GNPDA2: variants seen among roughly 807,000 people sequenced by gnomAD.
The protein encoded by GNPDA2 is glucosamine-6-phosphate deaminase 2, also known as glcN6P deaminase 2.
GNPDA2 carries 24 observed loss-of-function variants against 27.0 expected under a neutral mutation model. The observed-to-expected ratio is 0.89, with a 90% CI of 0.64 to 1.25. The LOEUF (loss-of-function observed/expected upper bound fraction) is 1.25, where lower values mean the gene tolerates loss of function less well. GNPDA2 is among the 50% of genes most tolerant of loss of function. The pLI is 0.00. For synonymous variants in GNPDA2, 94 were observed against 108.4 expected (o/e 0.87, Z 0.83); for missense variants, 286 against 335.1 (o/e 0.85, Z 1.14).
rs548906296 is a variant in GNPDA2, at chr4:44,725,878, G to A, written c.-36+596C>T. On this transcript the variant is annotated intron_variant, in intron 1 of 6. Transcript: ENST00000295448. ...GAAAAAGGGCTGCTGAATATAAATC[G>A]CAAAACTTCAATGGTGGATGACAAC... 1.6e-4 allele frequency among the ~76,000 whole-genome samples: 24 copies of A among 152,212 alleles called. 1 individual carries two copies. In the East Asian group the frequency reaches 3.3e-3, roughly 21 times the overall value.
chr4:44,702,856 C>T lies in GNPDA2; in HGVS notation c.*225G>A. The T allele has an allele frequency of 1.5e-6, 2 of 1,375,590 alleles. No homozygotes were observed. The highest frequency in any genetic ancestry group is 9.3e-7 in the Non-Finnish European group (1 of 1,071,544). 85.2% of individuals were successfully genotyped at this position (1,375,590 alleles called of 1,614,324 possible). A position where few individuals can be genotyped will look rare whatever the true frequency, so the allele number is the denominator to read the frequency against. On this transcript the variant is annotated 3_prime_UTR_variant, in exon 7 of 7. Transcript: ENST00000295448. ...TATAGGTGGCTATGTGACTTCAGTACTTTATAATAAATAGCCAGTCAATCT... is the reference window on the plus strand; with the variant it reads ...TATAGGTGGCTATGTGACTTCAGTATTTTATAATAAATAGCCAGTCAATCT...
intron 4 of GNPDA2, among the ~76,000 whole-genome samples, chr4:44,713,447 T>C (rs1203576731): frequency 1.3e-5 from 2 of 152,228 alleles, no homozygotes; most frequent in Non-Finnish European, 2.9e-5. Context: ...GTTTGTGAGT[T>C]ACCCTAGAAT....
chr4:44,713,572 A>AT (rs781437020), intron 4 of GNPDA2, among the ~76,000 whole-genome samples: 4 of 152,126 alleles, frequency 2.6e-5, no homozygotes, highest in Non-Finnish European at 4.4e-5. Context: ...GTCTTCTTTT[A>AT]TTTTTACTTT....
At position 44,704,375 on chromosome 4, in the gene GNPDA2, A is replaced by G. The variant is rs183116355; in HGVS notation, c.770-1233T>C. 6.5e-5 allele frequency: 62 copies of G among 951,892 alleles called. 1 individual carries two copies. The Admixed American group carries it at 1.2e-3, about 18-fold the overall frequency. 59.0% of individuals were successfully genotyped at this position (951,892 alleles called of 1,614,324 possible). On this transcript the variant is annotated intron_variant, in intron 6 of 6. Coordinates refer to ENST00000295448, the MANE Select transcript of GNPDA2 (RefSeq NM_138335.3). ...TAGAGGATCGTTTTTCTACTTAAATAGTATTCATCTGTCATTTGCTAACAA... is the reference window on the plus strand; with the variant it reads ...TAGAGGATCGTTTTTCTACTTAAATGGTATTCATCTGTCATTTGCTAACAA...
intron 6 of GNPDA2, 157 bp downstream of exon 6, chr4:44,707,595 T>G: frequency 3.7e-6 from 2 of 537,930 alleles, no homozygotes; most frequent in Non-Finnish European, 6.5e-6. Context: ...AAGATACTAT[T>G]ATCTGAGGTG....
chr4:44,702,754 T>C lies in GNPDA2; in HGVS notation c.*327A>G. The C allele has an allele frequency of 8.9e-7, 1 of 1,125,166 alleles. No homozygotes were observed. The highest frequency in any genetic ancestry group is 1.1e-6 in the Non-Finnish European group (1 of 921,890). 69.7% of individuals were successfully genotyped at this position (1,125,166 alleles called of 1,614,324 possible). ...AATGAAATATACGCCACTGGAGTCA[T>C]ATCACAAATGGTGCCTGATGTGGAC... On this transcript the variant is annotated 3_prime_UTR_variant, in exon 7 of 7. Coordinates refer to ENST00000295448, the MANE Select transcript of GNPDA2 (RefSeq NM_138335.3).
chr4:44,724,935 A>C (rs1271304908), intron 1 of GNPDA2, among the ~76,000 whole-genome samples: 2 of 152,262 alleles, frequency 1.3e-5, no homozygotes, highest in African/African-American at 4.8e-5. Context: ...TTTTAGAGTT[A>C]AACCAAAGAA....
rs1250397555 is a variant in GNPDA2, at chr4:44,702,564, C to T, written c.*517G>A. 1 of 987,712 alleles carries T rather than the reference C, an allele frequency of 1.0e-6. No individual in the cohort carries two copies. The highest frequency in any genetic ancestry group is 6.2e-5 in the Admixed American group (1 of 16,238). The allele number at this position is 987,712 out of a possible 1,614,324, so 61.2% of individuals were successfully genotyped here. A position where few individuals can be genotyped will look rare whatever the true frequency, so the allele number is the denominator to read the frequency against. ...AATTTCCTTTACCAATGATATATAG[C>T]ACAATTTTTGATGTCTAGATGGTGC... On this transcript the variant is annotated 3_prime_UTR_variant, in exon 7 of 7. Coordinates refer to ENST00000295448, the MANE Select transcript of GNPDA2 (RefSeq NM_138335.3).
intron 5 of GNPDA2, 50 bp downstream of exon 5, chr4:44,710,903 T>C (rs190590795): frequency 1.5e-6 from 2 of 1,344,638 alleles, no homozygotes; most frequent in Admixed American, 2.4e-5. Context: ...CTCCAAAATA[T>C]TAATATATTA....
intron 4 of GNPDA2, among the ~76,000 whole-genome samples, chr4:44,713,862 A>G (rs993846273): frequency 3.9e-5 from 6 of 152,210 alleles, no homozygotes; most frequent in Non-Finnish European, 8.8e-5. Context: ...CCTGGGCAAC[A>G]GAGCGAGACT....
At chr4:44,708,014 AT>A in intron 5 of GNPDA2, 88 bp from the exon 6 acceptor site, 1 of 859,624 alleles carries the variant, frequency 1.2e-6, no homozygotes, top group Non-Finnish European at 1.7e-6. Flanking sequence ...AAGCACCAAT[AT>A]TTTTTTCTGA....
At chr4:44,714,071 A>C (rs1717136224) in intron 4 of GNPDA2, among the ~76,000 whole-genome samples, 1 of 152,070 alleles carries the variant, frequency 6.6e-6, no homozygotes, top group Non-Finnish European at 1.5e-5. Flanking sequence ...TCCCAGGTTC[A>C]AGTGATTCTC....
intron 6 of GNPDA2, chr4:44,705,152 A>G (rs959139827): frequency 1.4e-5 from 14 of 984,776 alleles, no homozygotes; most frequent in Non-Finnish European, 1.7e-5. Context: ...GACAGAAGAA[A>G]GGGTAGTGAT....
chr4:44,725,123 C>T (rs1717931981), intron 1 of GNPDA2, among the ~76,000 whole-genome samples: 1 of 124,480 alleles, frequency 8.0e-6, no homozygotes, highest in African/African-American at 2.6e-5. Flanking sequence ...GTTCAACACA[C>T]GTTTGAAGAC....
chr4:44,705,600 T>C (rs1201100870), intron 6 of GNPDA2: 7 of 377,262 alleles, frequency 1.9e-5, no homozygotes, highest in Admixed American at 6.5e-5. Flanking sequence ...TATGTCGATA[T>C]ACCTTTTTTG....
At chr4:44,711,508 A>C (rs966511967) in intron 4 of GNPDA2, among the ~76,000 whole-genome samples, 1 of 152,116 alleles carries the variant, frequency 6.6e-6, no homozygotes, top group Admixed American at 6.6e-5. Context: ...TTTAACACAC[A>C]AAAGGAAATT....
intron 6 of GNPDA2, chr4:44,703,400 A>T: frequency 8.4e-7 from 1 of 1,193,898 alleles, no homozygotes; most frequent in South Asian, 2.9e-5. Flanking sequence ...TAACCAGAAG[A>T]GCATTTCTTG....
intron 6 of GNPDA2, chr4:44,706,661 A>G (rs1387449225): frequency 1.3e-5 from 2 of 151,882 alleles, no homozygotes; most frequent in Non-Finnish European, 2.9e-5. Context: ...CCACTGAGAA[A>G]AAAATGCTAC....
chr4:44,704,953 C>T, intron 6 of GNPDA2: 1 of 984,104 alleles, frequency 1.0e-6, no homozygotes, highest in Non-Finnish European at 1.2e-6. Flanking sequence ...AAAACAAATC[C>T]CCACGTACTA....
Sources: gnomAD v4.1 joint callset for allele counts (sites outside exome capture counted in the v4.1 genomes callset) on GRCh38, gnomAD v4.1.1 for gene constraint, MANE v1.5 for transcripts, NCBI Gene and HGNC (gene_info 2026-07-23, HGNC 2026-07-21) for gene names.